The following SLC26A5 variants were observed in gnomAD, a reference collection of about 807,000 sequenced individuals.
SLC26A5 encodes the protein prestin.
Under a neutral mutation model 81.0 loss-of-function variants are expected in SLC26A5, and 51 were observed. That is an observed-to-expected ratio of 0.63 (90% confidence interval 0.50 to 0.80). SLC26A5 has a LOEUF of 0.80. Ranked by LOEUF, SLC26A5 falls within the 30% of genes least tolerant of loss-of-function variation. The pLI is 0.00. For synonymous variants in SLC26A5, 325 were observed against 332.8 expected, an observed-to-expected ratio of 0.98 and a Z score of 0.25; for missense variants, 771 against 905.8, an observed-to-expected ratio of 0.85 and a Z score of 1.91.
chr7:103,381,689 A>G (rs1821806429), intron 14 of SLC26A5, among the ~76,000 whole-genome samples: 1 of 150,870 alleles, frequency 6.6e-6, no homozygotes, highest in Admixed American at 6.6e-5. Flanking sequence ...ACGTGCAGAC[A>G]CATGCATACA....
At chr7:103,356,334 T>G (rs953254222) in intron 19 of SLC26A5, among the ~76,000 whole-genome samples, 1 of 152,204 alleles carries the variant, frequency 6.6e-6, no homozygotes, top group Non-Finnish European at 1.5e-5. Flanking sequence ...TGTTAAATGT[T>G]TCTCAGTGTA....
Position 103,407,965 on chromosome 7 carries a change from G to A in SLC26A5, c.774C>T (p.Asn258=), listed in dbSNP as rs1824187470. Residue 258 remains asparagine, a synonymous_variant, in exon 8 of 20, where the codon AAC becomes AAT. Coordinates refer to ENST00000306312, the MANE Select transcript of SLC26A5 (RefSeq NM_198999.3). ...VAVLQNVKNL[N]VCSLGVGLMV... ...TCAGCCCGACGCCTAGGGAACACACGTTGAGGTTTTTAACATTCTGCAACA... is the reference window on the plus strand; with the variant it reads ...TCAGCCCGACGCCTAGGGAACACACATTGAGGTTTTTAACATTCTGCAACA... The A allele has an allele frequency of 5.0e-6, 8 of 1,614,034 alleles. No homozygotes were observed. Among genetic ancestry groups the A allele is most frequent in the African/African-American group, 2.7e-5 (2 of 74,920 alleles).
chr7:103,385,156 T>TTTGTTG (rs201951222), intron 14 of SLC26A5, among the ~76,000 whole-genome samples: 20,566 of 151,552 alleles, frequency 0.14, 1,517 homozygotes, highest in South Asian at 0.16. Flanking sequence ...TGATTGTCTC[T>TTTGTTG]TTGTTGTTGT....
intron 19 of SLC26A5, among the ~76,000 whole-genome samples, chr7:103,358,398 C>A (rs1397712876): frequency 1.3e-5 from 2 of 152,126 alleles, no homozygotes; most frequent in African/African-American, 4.8e-5. Flanking sequence ...TTGTTAATTT[C>A]TTTCCTTCCG....
chr7:103,373,763 G>GTGGT (rs1821152097), downstream of SLC26A5, among the ~76,000 whole-genome samples: 2 of 152,172 alleles, frequency 1.3e-5, no homozygotes, highest in South Asian at 4.1e-4. Context: ...CACTATAGAT[G>GTGGT]TGGTCTTACT....
intron 2 of SLC26A5, among the ~76,000 whole-genome samples, chr7:103,425,974 C>T (rs1429674890): frequency 6.6e-6 from 1 of 152,188 alleles, no homozygotes; most frequent in African/African-American, 2.4e-5. Context: ...GCAAAACAAA[C>T]ACCCTCACCC....
At chr7:103,404,805 C>T (rs2116599828) in intron 8 of SLC26A5, among the ~76,000 whole-genome samples, 1 of 152,272 alleles carries the variant, frequency 6.6e-6, no homozygotes, top group East Asian at 1.9e-4. Context: ...CTCCCCGTCA[C>T]TTTCAGGTAC....
rs1283984384 is a variant in SLC26A5, at chr7:103,382,405, A to C, written c.1515-1856T>G. On this transcript the variant is annotated intron_variant, in intron 14 of 19. Transcript: ENST00000306312. Reference sequence around the variant, plus strand: ...TATCCTGTTGCCCAGGCTGGAGTGCAATGGTGCAATCTTGGCTCATTGCAA... The same window carrying C: ...TATCCTGTTGCCCAGGCTGGAGTGCCATGGTGCAATCTTGGCTCATTGCAA... 2.2e-5 allele frequency among the ~76,000 whole-genome samples: 3 copies of C among 138,218 alleles called. No homozygotes were observed. The Admixed American group carries it at 2.4e-4, about 11-fold the overall frequency. The allele number at this position is 138,218 out of a possible 152,430, so 90.7% of individuals were successfully genotyped here.
intron 2 of SLC26A5, among the ~76,000 whole-genome samples, chr7:103,431,472 GCCA>G (rs1484260346): frequency 1.3e-5 from 2 of 152,004 alleles, no homozygotes; most frequent in Non-Finnish European, 2.9e-5. Context: ...ACAGGCATGT[GCCA>G]CCACAGCTGG....
chr7:103,364,077 A>G, intron 19 of SLC26A5: 1 of 1,478,202 alleles, frequency 6.8e-7, no homozygotes, highest in African/African-American at 1.4e-5. Flanking sequence ...CACTTTGTTG[A>G]TTTAGAAGTA....
At chr7:103,402,102 T>C (rs1368153768) in intron 8 of SLC26A5, among the ~76,000 whole-genome samples, 1 of 152,230 alleles carries the variant, frequency 6.6e-6, no homozygotes, top group Non-Finnish European at 1.5e-5. Flanking sequence ...ATTCCCTCTT[T>C]TTCTATTGTT....
intron 3 of SLC26A5, 115 bp from the exon 4 acceptor site, chr7:103,420,992 A>T: frequency 8.5e-7 from 1 of 1,178,352 alleles, no homozygotes; most frequent in Non-Finnish European, 1.2e-6. Context: ...AAAATTTCCA[A>T]TTGGTGATTC....
chr7:103,423,437 GT>G (rs1472185257), intron 2 of SLC26A5, among the ~76,000 whole-genome samples: 19 of 152,314 alleles, frequency 1.2e-4, no homozygotes, highest in Non-Finnish European at 2.2e-4. Flanking sequence ...ATATTAAAAT[GT>G]TATGGTTTGA....
At chr7:103,360,443 T>G (rs1456958255) in intron 19 of SLC26A5, among the ~76,000 whole-genome samples, 1 of 152,156 alleles carries the variant, frequency 6.6e-6, no homozygotes, top group African/African-American at 2.4e-5. Context: ...CTTCACACAA[T>G]TATGCTATCA....
At chr7:103,436,231 G>A (rs1826441983) in intron 2 of SLC26A5, among the ~76,000 whole-genome samples, 2 of 152,052 alleles carry the variant, frequency 1.3e-5, no homozygotes, top group Non-Finnish European at 2.9e-5. Flanking sequence ...TATCGTCTCA[G>A]GAAAGAAGTC....
At chr7:103,426,345 T>G (rs1004626553) in intron 2 of SLC26A5, among the ~76,000 whole-genome samples, 1 of 152,228 alleles carries the variant, frequency 6.6e-6, no homozygotes, top group East Asian at 1.9e-4. Flanking sequence ...AGATATGCAC[T>G]ATCTGTAGGG....
At position 103,374,465 on chromosome 7, in the gene SLC26A5, T is replaced by C. The variant is rs1291725903; in HGVS notation, c.2169A>G (p.Glu723=). ...CCTCCTGGGAAGGGGGAGCCGAGGC[T>C]TCCTGTTCAGCAAGTGCCTCTCTAA... is the stretch of plus-strand genomic sequence containing the variant. The part of the protein sequence containing the change: ...SQLREALAEQ[E]ASAPPSQEDL... The change falls in exon 20 of 20, where the codon GAA becomes GAG. Residue 723 remains glutamate (E), a synonymous_variant. Transcript: ENST00000306312. The C allele has an allele frequency of 6.2e-7, 1 of 1,613,474 alleles. No individual in the cohort carries two copies. Among genetic ancestry groups the C allele is most frequent in the Admixed American group, 1.7e-5 (1 of 60,018 alleles).
chr7:103,363,403 G>A (rs1474635411), intron 19 of SLC26A5: 1 of 1,613,880 alleles, frequency 6.2e-7, no homozygotes, highest in South Asian at 1.1e-5. Context: ...AACAGATTGA[G>A]AAACTGCGAG....
At chr7:103,361,509 T>TAA (rs1820406889) in intron 19 of SLC26A5, among the ~76,000 whole-genome samples, 1 of 33,320 alleles carries the variant, frequency 3.0e-5, no homozygotes, top group African/African-American at 1.7e-4. Flanking sequence ...AAACTCCATC[T>TAA]CAAAAAAAAA....
Sources: gnomAD v4.1 joint callset for allele counts (sites outside exome capture counted in the v4.1 genomes callset) on GRCh38, gnomAD v4.1.1 for gene constraint, MANE v1.5 for transcripts, NCBI Gene and HGNC (gene_info 2026-07-23, HGNC 2026-07-21) for gene names.